Variants in BCAS3 observed in about 807,000 individuals in gnomAD.
BCAS3 encodes the protein BCAS4/BCAS3 fusion.
In BCAS3, 53 loss-of-function variants were observed where a neutral mutation model predicts 116.1. The observed-to-expected ratio is 0.46, with a 90% CI of 0.37 to 0.57. The LOEUF (loss-of-function observed/expected upper bound fraction) is 0.57. Among genes scored for constraint, BCAS3 ranks in the 20% least tolerant of loss-of-function variants. The probability of loss-of-function intolerance (pLI) is 0.00; values close to 1 mark genes in which losing one functional copy is unlikely to be tolerated. For missense variants in BCAS3, 917 were observed against 1,165.4 expected (o/e 0.79, Z 3.10); for synonymous variants, 391 against 408.2 (o/e 0.96, Z 0.51).
intron 6 of BCAS3, among the ~76,000 whole-genome samples, chr17:60,750,977 T>A (rs113971189): frequency 0.044 from 6,666 of 152,308 alleles, 535 homozygotes; most frequent in African/African-American, 0.15. Flanking sequence ...GAGTGCTTTA[T>A]ACAAGGTATT....
chr17:60,797,861 C>T (rs1490785259), intron 6 of BCAS3, among the ~76,000 whole-genome samples: 1 of 151,928 alleles, frequency 6.6e-6, no homozygotes, highest in African/African-American at 2.4e-5. Flanking sequence ...GGCAACATGG[C>T]GAGACCCCGT....
At chr17:61,230,997 CA>C (rs1379285820) in intron 22 of BCAS3, among the ~76,000 whole-genome samples, 1 of 137,334 alleles carries the variant, frequency 7.3e-6, no homozygotes, top group East Asian at 2.2e-4. Flanking sequence ...GATAAGGTCT[CA>C]CTATGTTCCC....
rs2057321680 is a variant in BCAS3, at chr17:61,343,568, G to A, written c.2426-24759G>A. Among the ~76,000 whole-genome samples the A allele has an allele frequency of 1.3e-5, 2 of 152,190 alleles. No homozygotes were observed. The highest frequency in any genetic ancestry group is 1.5e-5 in the Non-Finnish European group (1 of 68,038). On this transcript the variant is annotated intron_variant, in intron 22 of 23. Coordinates refer to ENST00000407086, the MANE Select transcript of BCAS3 (RefSeq NM_017679.5). The surrounding 1 kb of genome is among the most constrained non-coding windows in gnomAD (Gnocchi z 5.5). ...ATTTGAAAAACTCACTTGATGTGAG[G>A]CCCCTTGGAGAAGTACTGGTTGAGG...
chr17:60,992,189 TACACACACACACACACACAC>T (rs576760115), intron 15 of BCAS3, among the ~76,000 whole-genome samples: 6 of 130,652 alleles, frequency 4.6e-5, no homozygotes, highest in Admixed American at 7.7e-5. Context: ...TCCGATGACT[TACACACACACACACACACAC>T]ACACACACAC....
chr17:61,328,890 C>CTTTTT (rs922578027), intron 22 of BCAS3, among the ~76,000 whole-genome samples: 9 of 122,608 alleles, frequency 7.3e-5, no homozygotes, highest in African/African-American at 2.2e-4. Flanking sequence ...GACGCAGGCT[C>CTTTTT]TTTTTTTTTT....
chr17:61,223,174 T>TTTTA (rs2082202101), intron 22 of BCAS3, among the ~76,000 whole-genome samples: 2 of 147,894 alleles, frequency 1.4e-5, no homozygotes, highest in Non-Finnish European at 3.0e-5. Context: ...TTTTTTTTTT[T>TTTTA]TGAGACGGAG....
intron 5 of BCAS3, chr17:60,727,089 A>G: frequency 2.6e-6 from 1 of 378,830 alleles, no homozygotes; most frequent in Non-Finnish European, 4.8e-6. Context: ...ATATCACTGT[A>G]TTTATTTTCT....
At chr17:61,115,556 A>G (rs1193228803) in intron 22 of BCAS3, among the ~76,000 whole-genome samples, 1 of 140,888 alleles carries the variant, frequency 7.1e-6, no homozygotes, top group Non-Finnish European at 1.5e-5. Context: ...ATCTCACACC[A>G]GTTAGAATGG....
At position 61,208,092 on chromosome 17, in the gene BCAS3, T is replaced by G. The variant is rs939460921; in HGVS notation, c.2425+123528T>G. 6.6e-5 allele frequency among the ~76,000 whole-genome samples: 10 copies of G among 152,212 alleles called. No homozygotes were observed. Among genetic ancestry groups the G allele is most frequent in the African/African-American group, 2.4e-4 (10 of 41,468 alleles). On this transcript the variant is annotated intron_variant, in intron 22 of 23. Coordinates refer to ENST00000407086, the MANE Select transcript of BCAS3 (RefSeq NM_017679.5). The surrounding 1 kb of genome is among the most constrained non-coding windows in gnomAD (Gnocchi z 4.5). ...ATATCTTAGTAACTTATTTAATATT[T>G]TAGAAAGTGGCTTATAAAAAATTTA...
chr17:61,038,851 G>T (rs1446408735), intron 18 of BCAS3, among the ~76,000 whole-genome samples: 1 of 151,612 alleles, frequency 6.6e-6, no homozygotes. Flanking sequence ...AGTAGAGATA[G>T]GGTTTCACCA....
chr17:60,831,656 G>A (rs558493636), intron 7 of BCAS3, among the ~76,000 whole-genome samples: 78 of 152,008 alleles, frequency 5.1e-4, no homozygotes, highest in Non-Finnish European at 1.0e-3. Flanking sequence ...GCCTCCCTAC[G>A]TGTGTGTGGG....
intron 22 of BCAS3, among the ~76,000 whole-genome samples, chr17:61,238,046 G>GTTTTGT (rs1208652561): frequency 4.6e-5 from 7 of 152,138 alleles, no homozygotes; most frequent in East Asian, 1.9e-4. Context: ...ATGAACAAGA[G>GTTTTGT]TTTTGTTTTT....
rs145243769 is a variant in BCAS3, at chr17:61,035,736, G to A, written c.1762+946G>A. ...ACCTCCAGTGGATGGCCGAAACCTC[G>A]GATGGTACGGAGCCCTATATGGTAC... On this transcript the variant is annotated intron_variant, in intron 17 of 23. Transcript: ENST00000407086. 6.1e-4 allele frequency among the ~76,000 whole-genome samples: 93 copies of A among 152,170 alleles called. 1 individual carries two copies. In the East Asian group the frequency reaches 0.015, roughly 25 times the overall value.
At chr17:61,107,536 T>G (rs577421745) in intron 22 of BCAS3, among the ~76,000 whole-genome samples, 12 of 152,234 alleles carry the variant, frequency 7.9e-5, no homozygotes, top group Non-Finnish European at 1.5e-4. Context: ...CTCTGACCCC[T>G]GCCAGCTACT....
In BCAS3 at chr17:61,146,926, T is replaced by A. The variant is rs77644671; in HGVS notation, c.2425+62362T>A. On this transcript the variant is annotated intron_variant, in intron 22 of 23. Transcript: ENST00000407086. ...TTTCCTTTTTTTAATTTAAAAAAAA[T>A]TTTTTTAAGACAGGGTCTTGCTCTA... 2.0e-3 allele frequency among the ~76,000 whole-genome samples: 299 copies of A among 152,188 alleles called. 1 individual carries two copies. The highest frequency in any genetic ancestry group is 3.1e-3 in the Non-Finnish European group (213 of 68,004).
chr17:61,198,312 T>C lies in BCAS3; in HGVS notation c.2425+113748T>C, dbSNP rs569693624. 6.6e-5 allele frequency among the ~76,000 whole-genome samples: 10 copies of C among 152,128 alleles called. No homozygotes were observed. Among genetic ancestry groups the C allele is most frequent in the Admixed American group, 5.2e-4 (8 of 15,278 alleles). ...CCAGCCACCACACCCAGCTAATTTTTTGCATTTTTAGTAGAGATGGGGTTT... is the reference window on the plus strand; with the variant it reads ...CCAGCCACCACACCCAGCTAATTTTCTGCATTTTTAGTAGAGATGGGGTTT... On this transcript the variant is annotated intron_variant, in intron 22 of 23. Coordinates refer to ENST00000407086, the MANE Select transcript of BCAS3 (RefSeq NM_017679.5). This position sits in a 1 kb window ranked among gnomAD's most constrained non-coding sequence, Gnocchi z 5.0.
At position 61,130,770 on chromosome 17, in the gene BCAS3, G is replaced by C. The variant is rs1394245035; in HGVS notation, c.2425+46206G>C. The C allele has an allele frequency of 6.6e-6, 1 of 152,268 alleles. No individual in the cohort carries two copies. Among genetic ancestry groups the C allele is most frequent in the Admixed American group, 6.5e-5 (1 of 15,268 alleles). 9.4% of individuals were successfully genotyped at this position (152,268 alleles called of 1,614,324 possible). On this transcript the variant is annotated intron_variant, in intron 22 of 23. Coordinates refer to ENST00000407086, the MANE Select transcript of BCAS3 (RefSeq NM_017679.5). The surrounding 1 kb of genome is among the most constrained non-coding windows in gnomAD (Gnocchi z 5.0). ...CTGAAGTCAGCGTCAAGAAATATTG[G>C]TCTTGGCCAGGAGCGGTGCCTCACA...
intron 17 of BCAS3, among the ~76,000 whole-genome samples, chr17:61,035,147 T>C (rs2066919145): frequency 6.6e-6 from 1 of 152,104 alleles, no homozygotes; most frequent in Non-Finnish European, 1.5e-5. Flanking sequence ...TTGTCCCTGT[T>C]TTAGAGATGA....
chr17:60,800,256 C>T (rs1044896468), intron 6 of BCAS3, among the ~76,000 whole-genome samples: 2 of 152,148 alleles, frequency 1.3e-5, no homozygotes, highest in Non-Finnish European at 2.9e-5. Flanking sequence ...CTAGTTTCTG[C>T]TCATCTTTGT....
Sources: gnomAD v4.1 joint callset for allele counts (sites outside exome capture counted in the v4.1 genomes callset) on GRCh38, gnomAD v4.1.1 for gene constraint, Gnocchi (gnomAD v3.1) non-coding constraint, MANE v1.5 for transcripts, NCBI Gene and HGNC (gene_info 2026-07-23, HGNC 2026-07-21) for gene names.